ROBO4: variants seen among roughly 807,000 people sequenced by gnomAD.
ROBO4 encodes roundabout homolog 4.
In ROBO4, 80 loss-of-function variants were observed where a neutral mutation model predicts 103.3. The ratio of observed to expected loss-of-function variants is 0.77; its 90% CI spans 0.65 to 0.93. The LOEUF (loss-of-function observed/expected upper bound fraction) is 0.93, where lower values mean the gene tolerates loss of function less well. Among genes scored for constraint, ROBO4 ranks in the 40% least tolerant of loss-of-function variants. The pLI, the probability that ROBO4 is intolerant of heterozygous loss-of-function variation, is 0.00. For missense variants in ROBO4, 1,333 were observed against 1,305.3 expected, an observed-to-expected ratio of 1.02 and a Z score of -0.33; for synonymous variants, 504 against 529.7, an observed-to-expected ratio of 0.95 and a Z score of 0.67.
rs775327588 is a variant in ROBO4, at chr11:124,886,675, C to A, written c.2583G>T (p.Arg861=). The change falls in exon 16 of 18, where the codon CGG becomes CGT. Residue 861 remains arginine, a synonymous_variant. Coordinates refer to ENST00000306534, the MANE Select transcript of ROBO4 (RefSeq NM_019055.6). ...CGCTGGGGGTGGGGGTGAGGCAGGG[C>A]CGAGGTGGGCACAGCAAGACTCCCC... The part of the protein sequence containing the change: ...PKGGVLLCPP[R]PCLTPTPSEG... 18 of 1,613,014 alleles carry A rather than the reference C, an allele frequency of 1.1e-5. No homozygotes were observed. The Admixed American group carries it at 1.7e-4, about 15-fold the overall frequency.
chr11:124,893,670 T>G lies in ROBO4; in HGVS notation c.1547+18A>C. On this transcript the variant is annotated intron_variant, in intron 10 of 17. Transcript: ENST00000306534. ...TTGCCACCCTCCCTTACTTCAGACC[T>G]CCCCTTTCACCTCTCACCTGTGTTT... The G allele has an allele frequency of 6.2e-7, 1 of 1,612,508 alleles. No individual in the cohort carries two copies. Among genetic ancestry groups the G allele is most frequent in the Non-Finnish European group, 8.5e-7 (1 of 1,178,596 alleles).
rs544090235 is a variant in ROBO4 at position 124,884,785 on chromosome 11, A to T, written c.*106T>A. On this transcript the variant is annotated 3_prime_UTR_variant, in exon 18 of 18. Coordinates refer to ENST00000306534, the MANE Select transcript of ROBO4 (RefSeq NM_019055.6). ...CTGGAGGCTTGGGAAGGTGGACCCC[A>T]GCTGCAGAGAAACACAGGCCAAGAC... 63 of 1,264,824 alleles carry T rather than the reference A, an allele frequency of 5.0e-5. No homozygotes were observed. The African/African-American group carries it at 7.2e-4, about 14-fold the overall frequency. The allele number at this position is 1,264,824 out of a possible 1,614,324, so 78.4% of individuals were successfully genotyped here.
At chr11:124,887,711 C>A in intron 13 of ROBO4, 22 bp downstream of exon 13, 1 of 1,608,902 alleles carries the variant, frequency 6.2e-7, no homozygotes, top group Non-Finnish European at 8.5e-7. Context: ...CCTTCACTTC[C>A]CTTTCAGGGA....
At position 124,894,359 on chromosome 11, in the gene ROBO4, A is replaced by G. The variant is rs1315701245; in HGVS notation, c.1160T>C (p.Leu387Pro). ...GGCTGGTGGCAGTGATGTGTTGCCC[A>G]GGCTCCAGACCTGAGGCACAAGCAG... ...GIIRGYQVWS[L>P]GNTSLPPANW... The change falls in exon 8 of 18, where the codon CTG (leucine) becomes CCG (proline). Residue 387 changes from leucine (L) to proline (P), a missense_variant. Coordinates refer to ENST00000306534, the MANE Select transcript of ROBO4 (RefSeq NM_019055.6). 8.1e-6 allele frequency: 13 copies of G among 1,612,620 alleles called. No individual in the cohort carries two copies. The highest frequency in any genetic ancestry group is 3.3e-5 in the South Asian group (3 of 90,900).
intron 4 of ROBO4, 21 bp from the exon 5 acceptor site, chr11:124,895,933 G>A: frequency 1.2e-6 from 2 of 1,612,606 alleles, no homozygotes; most frequent in Non-Finnish European, 1.7e-6. Flanking sequence ...GATAGGGCTG[G>A]GCTGGGGCTT....
Position 124,896,606 on chromosome 11 carries a change from A to C in ROBO4, c.465T>G (p.Thr155=). Residue 155 remains threonine (T), a synonymous_variant, in exon 3 of 18, where the codon ACT becomes ACG. Transcript: ENST00000306534. ...DMVAVVGEQF[T]LECGPPWGHP... The stretch of plus-strand genomic sequence containing the variant: ...GGCCCCAGGGCGGCCCACATTCCAG[A>C]GTAAACTGCTCACCCACCACAGCCA... 1 of 1,614,126 alleles carries C rather than the reference A, an allele frequency of 6.2e-7. No homozygotes were observed. Among genetic ancestry groups the C allele is most frequent in the Non-Finnish European group, 8.5e-7 (1 of 1,180,008 alleles).
Position 124,886,826 on chromosome 11 carries a change from G to T in ROBO4, c.2436-4C>A. 1 of 1,531,364 alleles carries T rather than the reference G, an allele frequency of 6.5e-7. No individual in the cohort carries two copies. Among genetic ancestry groups the T allele is most frequent in the Non-Finnish European group, 8.8e-7 (1 of 1,137,588 alleles). 94.9% of individuals were successfully genotyped at this position (1,531,364 alleles called of 1,614,324 possible). A position where few individuals can be genotyped will look rare whatever the true frequency, so the allele number is the denominator to read the frequency against. On this transcript the variant is annotated splice_region_variant and splice_polypyrimidine_tract_variant and intron_variant, in intron 15 of 17. Coordinates refer to ENST00000306534, the MANE Select transcript of ROBO4 (RefSeq NM_019055.6). Reference sequence around the variant, plus strand: ...TGGCATGGGAGAGACGCTGTTCCTAGGGAGAGGCAAAAGGGGAGACAGCAA... The same window carrying T: ...TGGCATGGGAGAGACGCTGTTCCTATGGAGAGGCAAAAGGGGAGACAGCAA...
chr11:124,896,164 C>G (rs769418987), intron 4 of ROBO4, 34 bp downstream of exon 4: 1 of 1,609,622 alleles, frequency 6.2e-7, no homozygotes, highest in Non-Finnish European at 8.5e-7. Flanking sequence ...GAGCCTGCAG[C>G]CTGGCTCTGA....
rs1156310820 is a variant in ROBO4 at position 124,886,782 on chromosome 11, T to TG, written c.2475dup (p.Thr826HisfsTer57). The TG allele has an allele frequency of 6.5e-6, 10 of 1,544,632 alleles. No individual in the cohort carries two copies. The highest frequency in any genetic ancestry group is 7.9e-6 in the Non-Finnish European group (9 of 1,143,294). On this transcript the variant is annotated frameshift_variant, in exon 16 of 18. Transcript: ENST00000306534. LOFTEE classifies it high-confidence loss of function. ...GGGACGCTGATGTACCCATAGGTGG[T>TG]GGGGGGTGAAGGAGCCCTTGGCATG...
intron 12 of ROBO4, 34 bp downstream of exon 12, chr11:124,891,265 C>T: frequency 6.7e-7 from 1 of 1,499,878 alleles, no homozygotes; most frequent in Non-Finnish European, 8.9e-7. Flanking sequence ...CGCCTACCAC[C>T]AGCTCAGTCT....
Position 124,897,106 on chromosome 11 carries a change from G to A in ROBO4, c.226C>T (p.Pro76Ser), listed in dbSNP as rs761540886. ...GGCAGGAGGTGGTGTGGGTCTGGGGGCACCATGCTCAGGGGCTGCCCATTC... is the reference window on the plus strand; with the variant it reads ...GGCAGGAGGTGGTGTGGGTCTGGGGACACCATGCTCAGGGGCTGCCCATTC... ...LLNGQPLSMV[P>S]PDPHHLLPDG... Residue 76 changes from proline (P) to serine (S), a missense_variant, in exon 2 of 18, where the codon CCC becomes TCC. Physicochemically the swap from Pro to Ser is moderately conservative, Grantham distance 74. Transcript: ENST00000306534. 5 of 1,596,892 alleles carry A rather than the reference G, an allele frequency of 3.1e-6. No individual in the cohort carries two copies. The African/African-American group carries it at 5.4e-5, about 17-fold the overall frequency.
intron 7 of ROBO4, among the ~76,000 whole-genome samples, chr11:124,894,868 C>T (rs1351140069): frequency 6.6e-6 from 1 of 152,194 alleles, no homozygotes; most frequent in Non-Finnish European, 1.5e-5. Context: ...GGGGATAATA[C>T]CCCAGGGTGG....
intron 12 of ROBO4, among the ~76,000 whole-genome samples, chr11:124,889,898 C>T (rs1344284764): frequency 6.6e-6 from 1 of 152,068 alleles, no homozygotes; most frequent in Non-Finnish European, 1.5e-5. Flanking sequence ...GCCAAGGAGT[C>T]GCTGCAGTTG....
In ROBO4 at chr11:124,887,471, C is replaced by T. The variant is rs1162163480; in HGVS notation, c.2085G>A (p.Trp695Ter). 2 of 1,613,912 alleles carry T rather than the reference C, an allele frequency of 1.2e-6. No homozygotes were observed. Among genetic ancestry groups the T allele is most frequent in the African/African-American group, 2.7e-5 (2 of 74,994 alleles). ...TGAGGAGTTTCGGTCCCAGGGCCCG[C>T]CAGGCAACCAGAGCTTGGGGCACAG... ...PGAVPQALVA[W>*]RALGPKLLSS... Residue 695 changes from tryptophan (W) to a stop codon, truncating the protein, a stop_gained, in exon 14 of 18, where the codon TGG becomes TGA. Transcript: ENST00000306534. LOFTEE classifies it high-confidence loss of function.
At position 124,885,094 on chromosome 11, in the gene ROBO4, G is replaced by A; in HGVS notation, c.2948C>T (p.Ser983Phe). The A allele has an allele frequency of 1.9e-6, 3 of 1,614,174 alleles. No individual in the cohort carries two copies. The highest frequency in any genetic ancestry group is 2.2e-5 in the East Asian group (1 of 44,874). The stretch of plus-strand genomic sequence containing the variant: ...CTGACTTCTCTGGGAAGAGATCTGA[G>A]AGTCAGGGGGCCAGGGAGGCATCCC... ...GRGMPPWPPD[S>F]QISSQRSQLH... Residue 983 changes from serine to phenylalanine, a missense_variant, in exon 17 of 18, where the codon TCT becomes TTT. Physicochemically the swap from Ser to Phe is radical, Grantham distance 155. Transcript: ENST00000306534.
intron 16 of ROBO4, among the ~76,000 whole-genome samples, chr11:124,885,580 G>GTT (rs5795436): frequency 0.12 from 16,535 of 141,988 alleles, 947 homozygotes; most frequent in South Asian, 0.18. Flanking sequence ...CCACAAGCCT[G>GTT]TTTTTTTTTT....
chr11:124,893,728 G>A lies in ROBO4; in HGVS notation c.1507C>T (p.Leu503=). 1 of 1,613,884 alleles carries A rather than the reference G, an allele frequency of 6.2e-7. No homozygotes were observed. The highest frequency in any genetic ancestry group is 8.5e-7 in the Non-Finnish European group (1 of 1,179,956). The change falls in exon 10 of 18, where the codon CTG becomes TTG. Residue 503 remains leucine, a splice_region_variant and synonymous_variant. Transcript: ENST00000306534. ...GCATCCTCACTGGTATATCTGTACA[G>A]ACCTGGGAGAAGGCAGGAGGAAAGC... ...RRARVHLGPG[L]YRYTSEDAIL... is the part of the protein sequence containing the mutation.
chr11:124,897,075 C>G lies in ROBO4; in HGVS notation c.257G>C (p.Gly86Ala), dbSNP rs779503410. 2 of 1,611,566 alleles carry G rather than the reference C, an allele frequency of 1.2e-6. No homozygotes were observed. Among genetic ancestry groups the G allele is most frequent in the South Asian group, 2.2e-5 (2 of 90,706 alleles). ...PPDPHHLLPD[G>A]TLLLLQPPAR... ...AGGGGGCTGTAGCAGCAGAAGGGTC[C>G]CATCAGGCAGGAGGTGGTGTGGGTC... Residue 86 changes from glycine to alanine, a missense_variant, in exon 2 of 18, where the codon GGG becomes GCG. Coordinates refer to ENST00000306534, the MANE Select transcript of ROBO4 (RefSeq NM_019055.6).
chr11:124,896,833 C>T, intron 2 of ROBO4, 99 bp downstream of exon 2: 2 of 1,530,636 alleles, frequency 1.3e-6, no homozygotes, highest in Non-Finnish European at 1.8e-6. Flanking sequence ...CCTCTGCTCA[C>T]AGGTATCCCA....
Sources: gnomAD v4.1 joint callset for allele counts (sites outside exome capture counted in the v4.1 genomes callset) on GRCh38, gnomAD v4.1.1 for gene constraint, MANE v1.5 for transcripts, NCBI Gene and HGNC (gene_info 2026-07-23, HGNC 2026-07-21) for gene names.